The following CRTAM variants were observed in gnomAD, a reference collection of about 807,000 sequenced individuals.
CRTAM encodes cytotoxic and regulatory T-cell molecule.
A neutral mutation model predicts 50.0 loss-of-function variants in CRTAM; 44 were observed. That is an observed-to-expected ratio of 0.88 (90% confidence interval 0.69 to 1.13). The LOEUF is 1.13. Among genes scored for constraint, CRTAM ranks in the 50% most tolerant of loss-of-function variants. The pLI is 0.00. For synonymous variants in CRTAM, 159 were observed against 169.3 expected (o/e 0.94, Z 0.47); for missense variants, 448 against 457.5 (o/e 0.98, Z 0.19).
chr11:122,848,423 T>A (rs981157619), intron 1 of CRTAM, among the ~76,000 whole-genome samples: 1 of 152,230 alleles, frequency 6.6e-6, no homozygotes, highest in Non-Finnish European at 1.5e-5. Context: ...TATGCCCCAG[T>A]GCTTTTTTTG....
chr11:122,840,819 C>T (rs1861789198), intron 1 of CRTAM, among the ~76,000 whole-genome samples: 1 of 151,746 alleles, frequency 6.6e-6, no homozygotes, highest in South Asian at 2.1e-4. Context: ...AAAAAAGTCA[C>T]GTAATCTCAG....
intron 5 of CRTAM, among the ~76,000 whole-genome samples, chr11:122,861,074 A>G (rs1862066989): frequency 6.6e-6 from 1 of 152,076 alleles, no homozygotes; most frequent in African/African-American, 2.4e-5. Flanking sequence ...CATTGCCAGC[A>G]GCTCTCCTCT....
intron 5 of CRTAM, among the ~76,000 whole-genome samples, chr11:122,856,490 A>T (rs1862009567): frequency 6.6e-6 from 1 of 152,226 alleles, no homozygotes; most frequent in Non-Finnish European, 1.5e-5. Flanking sequence ...TTGAGCCAAG[A>T]GGTATCCTTT....
intron 1 of CRTAM, among the ~76,000 whole-genome samples, chr11:122,845,142 T>A (rs2135230704): frequency 6.6e-6 from 1 of 151,936 alleles, no homozygotes; most frequent in South Asian, 2.1e-4. Flanking sequence ...CAGCTGCCAG[T>A]GAGTTAGGAA....
intron 5 of CRTAM, among the ~76,000 whole-genome samples, chr11:122,861,890 T>C (rs774996890): frequency 9.2e-5 from 14 of 152,226 alleles, no homozygotes; most frequent in Non-Finnish European, 2.1e-4. Context: ...TGTTATACAA[T>C]AACATTTAGC....
At chr11:122,861,408 ATATATATATATATTTTTTTTTTTT>A (rs1862076963) in intron 5 of CRTAM, among the ~76,000 whole-genome samples, 1 of 23,310 alleles carries the variant, frequency 4.3e-5, no homozygotes, top group Non-Finnish European at 7.6e-5. Flanking sequence ...ATATATATAT[ATATATATATATATTTTTTTTTTTT>A]TTTTTTTTTT....
chr11:122,848,558 A>G (rs1366952265), intron 1 of CRTAM, among the ~76,000 whole-genome samples: 1 of 152,218 alleles, frequency 6.6e-6, no homozygotes, highest in Non-Finnish European at 1.5e-5. Flanking sequence ...AATCCAATAC[A>G]ATAATTCTGG....
At chr11:122,854,958 CT>C (rs890856903) in intron 4 of CRTAM, among the ~76,000 whole-genome samples, 23 of 149,180 alleles carry the variant, frequency 1.5e-4, no homozygotes, top group African/African-American at 3.7e-4. Context: ...AATCAACCAT[CT>C]TTTTTTTTTG....
chr11:122,859,055 C>T (rs571665790), intron 5 of CRTAM, among the ~76,000 whole-genome samples: 2 of 152,068 alleles, frequency 1.3e-5, no homozygotes, highest in South Asian at 4.1e-4. Context: ...AAATATGTAT[C>T]TGTCAATTTA....
At chr11:122,855,411 G>C (rs1861992209) in intron 4 of CRTAM, among the ~76,000 whole-genome samples, 1 of 152,156 alleles carries the variant, frequency 6.6e-6, no homozygotes, top group African/African-American at 2.4e-5. Context: ...CATATAACCA[G>C]AATAAGGTCT....
intron 5 of CRTAM, among the ~76,000 whole-genome samples, chr11:122,857,046 A>G (rs1236347530): frequency 6.6e-6 from 1 of 152,214 alleles, no homozygotes; most frequent in Non-Finnish European, 1.5e-5. Context: ...TGTCGAAAAA[A>G]ATGCATTCTT....
chr11:122,864,359 C>T (rs1295011729), intron 6 of CRTAM, among the ~76,000 whole-genome samples: 3 of 152,188 alleles, frequency 2.0e-5, no homozygotes, highest in Admixed American at 2.0e-4. Context: ...CCTCCGTTTT[C>T]TCAGAGCTGT....
chr11:122,850,003 G>A (rs1299499794), intron 1 of CRTAM, 65 bp from the exon 2 acceptor site: 36 of 1,414,600 alleles, frequency 2.5e-5, no homozygotes, highest in South Asian at 2.2e-4. Context: ...ATGAATGAAC[G>A]AGACAAAATC....
rs189493750 is a variant in CRTAM at position 122,871,028 on chromosome 11, G to A, written c.1052-241G>A. Among the ~76,000 whole-genome samples the A allele has an allele frequency of 3.4e-3, 520 of 152,140 alleles. 3 individuals are homozygous for A. The highest frequency in any genetic ancestry group is 5.6e-3 in the Non-Finnish European group (384 of 68,012). On this transcript the variant is annotated intron_variant, in intron 9 of 9. Coordinates refer to ENST00000227348, the MANE Select transcript of CRTAM (RefSeq NM_019604.4). ...CGGGAGGCTGAGGCTGCAGTGGGCC[G>A]TGATCACACCACTGCACTTCAGCCT...
chr11:122,871,501 C>A lies in CRTAM; in HGVS notation c.*102C>A. On this transcript the variant is annotated 3_prime_UTR_variant, in exon 10 of 10. Coordinates refer to ENST00000227348, the MANE Select transcript of CRTAM (RefSeq NM_019604.4). ...TAATTGCTGAGACATTAATAATGACCTCTTAGTGCAATGCAAGATGGTGTC... is the reference window on the plus strand; with the variant it reads ...TAATTGCTGAGACATTAATAATGACATCTTAGTGCAATGCAAGATGGTGTC... The A allele has an allele frequency of 1.0e-6, 1 of 989,820 alleles. No homozygotes were observed. Among genetic ancestry groups the A allele is most frequent in the Non-Finnish European group, 1.5e-6 (1 of 682,996 alleles). The allele number at this position is 989,820 out of a possible 1,614,324, so 61.3% of individuals were successfully genotyped here. A position where few individuals can be genotyped will look rare whatever the true frequency, so the allele number is the denominator to read the frequency against.
In CRTAM at chr11:122,841,193, T is replaced by G. The variant is rs191191835; in HGVS notation, c.46+2601T>G. Among the ~76,000 whole-genome samples the G allele has an allele frequency of 2.8e-3, 424 of 152,280 alleles. 4 individuals are homozygous for G. Among genetic ancestry groups the G allele is most frequent in the African/African-American group, 9.4e-3 (392 of 41,558 alleles). ...CTCTATTGATTCAATCTAAAAATAATAAAAATCTTTTTTTGTAATGATCTG... is the reference window on the plus strand; with the variant it reads ...CTCTATTGATTCAATCTAAAAATAAGAAAAATCTTTTTTTGTAATGATCTG... On this transcript the variant is annotated intron_variant, in intron 1 of 9. Transcript: ENST00000227348.
intron 5 of CRTAM, among the ~76,000 whole-genome samples, chr11:122,860,393 T>C (rs1381762680): frequency 6.6e-6 from 1 of 152,182 alleles, no homozygotes; most frequent in Admixed American, 6.5e-5. Flanking sequence ...TTAATTTAAA[T>C]AGTCGTTGGA....
At chr11:122,853,141 G>C (rs1861955300) in intron 3 of CRTAM, among the ~76,000 whole-genome samples, 1 of 150,578 alleles carries the variant, frequency 6.6e-6, no homozygotes, top group African/African-American at 2.4e-5. Flanking sequence ...TCGGCTTACT[G>C]CACACAACCT....
intron 9 of CRTAM, among the ~76,000 whole-genome samples, chr11:122,869,552 A>G (rs576826370): frequency 2.6e-5 from 4 of 152,334 alleles, no homozygotes; most frequent in South Asian, 4.1e-4. Flanking sequence ...CTTGATAAAG[A>G]TCTGGAAGGC....
Sources: allele counts gnomAD v4.1 joint callset (sites outside exome capture counted in the v4.1 genomes callset), GRCh38; gene constraint gnomAD v4.1.1; transcripts MANE v1.5; gene names NCBI Gene and HGNC (gene_info 2026-07-23, HGNC 2026-07-21).